Variants in CNTN6 observed in about 807,000 individuals in gnomAD.
CNTN6 encodes the protein contactin 6, also known as contactin-6.
CNTN6 carries 137 observed loss-of-function variants against 122.8 expected under a neutral mutation model. That is an observed-to-expected ratio of 1.12 (90% CI 0.97 to 1.29). CNTN6 has a LOEUF of 1.29. CNTN6 is among the 50% of genes most tolerant of loss of function. CNTN6 has a pLI of 0.00. For missense variants in CNTN6, 1,634 were observed against 1,223.4 expected (o/e 1.34, Z -5.01); for synonymous variants, 570 against 426.0 (o/e 1.34, Z -4.16).
At chr3:1,384,732 TA>T (rs1432685864) in intron 19 of CNTN6, among the ~76,000 whole-genome samples, 1 of 122,500 alleles carries the variant, frequency 8.2e-6, no homozygotes, top group Non-Finnish European at 1.7e-5. Flanking sequence ...TATACACACA[TA>T]TATATACATA....
intron 5 of CNTN6, among the ~76,000 whole-genome samples, chr3:1,286,910 G>C (rs1694443062): frequency 6.6e-6 from 1 of 152,012 alleles, no homozygotes; most frequent in Non-Finnish European, 1.5e-5. Flanking sequence ...AAAAAAGCAG[G>C]GGTTGCAATC....
At chr3:1,298,052 C>CT (rs1339984513) in intron 7 of CNTN6, 61 bp downstream of exon 7, 56 of 1,233,754 alleles carry the variant, frequency 4.5e-5, no homozygotes, top group Non-Finnish European at 5.4e-5. Flanking sequence ...TATTAAAAAC[C>CT]TTTTTGTTAT....
rs1312992807 is a variant in CNTN6, at chr3:1,386,592, G to GTTGTTCCTGTA, written c.2704+796_2704+806dup. 3.9e-5 allele frequency among the ~76,000 whole-genome samples: 6 copies of GTTGTTCCTGTA among 152,224 alleles called. No homozygotes were observed. The East Asian group carries it at 1.2e-3, about 29-fold the overall frequency. On this transcript the variant is annotated intron_variant, in intron 20 of 22. Coordinates refer to ENST00000446702, the MANE Select transcript of CNTN6 (RefSeq NM_001289080.2). ...GGGAAAGGTCTGATCATCCGACTTA[G>GTTGTTCCTGTA]TTGTTCCTGTAAGATGATTTTTTTG... is the stretch of plus-strand genomic sequence containing the variant.
Position 1,124,419 on chromosome 3 carries a change from C to T in CNTN6, c.-82-23508C>T, listed in dbSNP as rs574546549. On this transcript the variant is annotated intron_variant, in intron 1 of 22. Coordinates refer to ENST00000446702, the MANE Select transcript of CNTN6 (RefSeq NM_001289080.2). ...AGTACTCCAACCACACTGAACCTCACTTAATTTCTTCTCTTAGTCAAGTTA... is the reference window on the plus strand; with the variant it reads ...AGTACTCCAACCACACTGAACCTCATTTAATTTCTTCTCTTAGTCAAGTTA... Among the ~76,000 whole-genome samples, 9 of 152,072 alleles carry T rather than the reference C, an allele frequency of 5.9e-5. 2 individuals carry two copies. In the South Asian group the frequency reaches 1.9e-3, roughly 31 times the overall value.
intron 2 of CNTN6, among the ~76,000 whole-genome samples, chr3:1,180,580 G>A (rs2093535544): frequency 6.6e-6 from 1 of 152,146 alleles, no homozygotes; most frequent in South Asian, 2.1e-4. Flanking sequence ...AAATGCTTTT[G>A]CATAAATTCA....
chr3:1,325,869 A>C lies in CNTN6; in HGVS notation c.1001A>C (p.Asn334Thr). The change falls in exon 9 of 23, where the codon AAC (asparagine) becomes ACC (threonine). Residue 334 changes from asparagine (N) to threonine (T), a missense_variant. By Grantham distance (65) the Asn-to-Thr change is moderately conservative. Transcript: ENST00000446702. ...AATACACACCTCTCTATCTATGACA[A>C]CTTGCTCTGGGAATGTAAAGCTAGT... ...IQNTHLSIYDNLLWECKASGK... is the reference protein window; with the variant it reads ...IQNTHLSIYDTLLWECKASGK... The C allele has an allele frequency of 6.2e-7, 1 of 1,612,030 alleles. No individual in the cohort carries two copies. The highest frequency in any genetic ancestry group is 8.5e-7 in the Non-Finnish European group (1 of 1,178,752).
chr3:1,097,121 A>T (rs1209205942), intron 1 of CNTN6, among the ~76,000 whole-genome samples: 1 of 152,236 alleles, frequency 6.6e-6, no homozygotes, highest in Non-Finnish European at 1.5e-5. Context: ...TTGTAGTATT[A>T]AACATTTATT....
chr3:1,168,506 T>C (rs2093301658), intron 2 of CNTN6, among the ~76,000 whole-genome samples: 1 of 151,312 alleles, frequency 6.6e-6, no homozygotes, highest in Non-Finnish European at 1.5e-5. Flanking sequence ...TGGCATCAAC[T>C]GTTCTAAGCA....
Position 1,105,161 on chromosome 3 carries a change from A to C in CNTN6, c.-83+12041A>C, listed in dbSNP as rs551555600. On this transcript the variant is annotated intron_variant, in intron 1 of 22. Coordinates refer to ENST00000446702, the MANE Select transcript of CNTN6 (RefSeq NM_001289080.2). Reference sequence around the variant, plus strand: ...AGGCAGGTGAGTGCTCTTTGTGACCATCCTTGTTAATACTAAATATTATTA... The same window carrying C: ...AGGCAGGTGAGTGCTCTTTGTGACCCTCCTTGTTAATACTAAATATTATTA... Among the ~76,000 whole-genome samples, 279 of 152,228 alleles carry C rather than the reference A, an allele frequency of 1.8e-3. 1 individual carries two copies. Among genetic ancestry groups the C allele is most frequent in the African/African-American group, 6.3e-3 (262 of 41,560 alleles).
intron 20 of CNTN6, among the ~76,000 whole-genome samples, chr3:1,391,658 A>G (rs1409664590): frequency 6.6e-6 from 1 of 151,358 alleles, no homozygotes; most frequent in African/African-American, 2.4e-5. Context: ...AGAAAACCCC[A>G]TTGTCTCAGC....
At chr3:1,376,980 C>T in intron 16 of CNTN6, 25 bp from the exon 17 acceptor site, 2 of 1,510,218 alleles carry the variant, frequency 1.3e-6, no homozygotes, top group South Asian at 1.2e-5. Context: ...AATTGCCATC[C>T]CACATTTCTC....
At chr3:1,115,245 C>T (rs2091666842) in intron 1 of CNTN6, among the ~76,000 whole-genome samples, 1 of 152,052 alleles carries the variant, frequency 6.6e-6, no homozygotes, top group African/African-American at 2.4e-5. Context: ...AAGAAGAAAG[C>T]CCACAAGTCA....
intron 4 of CNTN6, among the ~76,000 whole-genome samples, chr3:1,276,612 C>G (rs978203825): frequency 5.9e-5 from 9 of 152,126 alleles, no homozygotes; most frequent in Non-Finnish European, 1.2e-4. Context: ...TTTTTATATC[C>G]AGAAATTTAG....
chr3:1,333,612 G>A lies in CNTN6; in HGVS notation c.1364+3677G>A, dbSNP rs577041722. Among the ~76,000 whole-genome samples, 5 of 152,120 alleles carry A rather than the reference G, an allele frequency of 3.3e-5. No individual in the cohort carries two copies. In the East Asian group the frequency reaches 9.7e-4, roughly 30 times the overall value. ...AGTTTCTGTTGTAAAACTTCTATAT[G>A]GTACTGTCTACTTTGAAATTTCATT... On this transcript the variant is annotated intron_variant, in intron 11 of 22. Coordinates refer to ENST00000446702, the MANE Select transcript of CNTN6 (RefSeq NM_001289080.2).
At chr3:1,298,033 A>G (rs563370196) in intron 7 of CNTN6, 42 bp downstream of exon 7, 1 of 1,420,582 alleles carries the variant, frequency 7.0e-7, no homozygotes. Flanking sequence ...GGTTGCATTA[A>G]TTTTTTTTTA....
chr3:1,376,264 G>A (rs990568163), intron 16 of CNTN6, among the ~76,000 whole-genome samples: 5 of 152,060 alleles, frequency 3.3e-5, no homozygotes, highest in African/African-American at 1.2e-4. Context: ...CAGTTTTACA[G>A]TTTCTATGAT....
At chr3:1,361,751 T>C (rs182920965) in intron 12 of CNTN6, among the ~76,000 whole-genome samples, 1 of 152,234 alleles carries the variant, frequency 6.6e-6, no homozygotes, top group East Asian at 1.9e-4. Flanking sequence ...TGTTAAAATA[T>C]TTAAAAATGA....
intron 8 of CNTN6, among the ~76,000 whole-genome samples, chr3:1,324,999 A>ATGTT (rs1701335816): frequency 7.2e-6 from 1 of 139,664 alleles, no homozygotes; most frequent in African/African-American, 3.3e-5. Context: ...CAAGGACAGA[A>ATGTT]CTAAATAAAG....
chr3:1,218,547 C>T (rs2094160318), intron 2 of CNTN6, among the ~76,000 whole-genome samples: 1 of 151,984 alleles, frequency 6.6e-6, no homozygotes, highest in Admixed American at 6.6e-5. Context: ...ACATCAGGAC[C>T]TGAGCAGGGG....
Sources: allele counts gnomAD v4.1 joint callset (sites outside exome capture counted in the v4.1 genomes callset), GRCh38; gene constraint gnomAD v4.1.1; transcripts MANE v1.5; gene names NCBI Gene and HGNC (gene_info 2026-07-23, HGNC 2026-07-21).